CCDC33: variants seen among roughly 807,000 people sequenced by gnomAD.
CCDC33 encodes coiled-coil domain containing 33.
CCDC33 carries 94 observed loss-of-function variants against 91.9 expected under a neutral mutation model. The observed-to-expected ratio is 1.02, with a 90% CI of 0.87 to 1.21. The LOEUF (loss-of-function observed/expected upper bound fraction) is 1.21, where lower values mean the gene tolerates loss of function less well. Among genes scored for constraint, CCDC33 ranks in the 50% most tolerant of loss-of-function variants. The pLI, the probability that CCDC33 is intolerant of heterozygous loss-of-function variation, is 0.00. For synonymous variants in CCDC33, 396 were observed against 374.5 expected, an observed-to-expected ratio of 1.06 and a Z score of -0.66; for missense variants, 940 against 935.5, an observed-to-expected ratio of 1.00 and a Z score of -0.06.
rs963161438 is a variant in CCDC33 at position 74,332,814 on chromosome 15, C to A, written c.1907C>A (p.Ala636Asp). The A allele has an allele frequency of 1.1e-5, 18 of 1,614,142 alleles. No homozygotes were observed. Among genetic ancestry groups the A allele is most frequent in the Non-Finnish European group, 1.5e-5 (18 of 1,180,012 alleles). The change falls in exon 16 of 19, where the codon GCC (alanine) becomes GAC (aspartate). Residue 636 changes from alanine to aspartate, a missense_variant. By Grantham distance (126) the Ala-to-Asp change is moderately radical. Coordinates refer to ENST00000398814, the MANE Select transcript of CCDC33 (RefSeq NM_025055.5). ...TELDKNRHQQ[A>D]PIILQQQALP... ...CTGGATAAGAACCGCCACCAGCAGGCCCCCATCATTCTGCAGCAACAGGCC... is the reference window on the plus strand; with the variant it reads ...CTGGATAAGAACCGCCACCAGCAGGACCCCATCATTCTGCAGCAACAGGCC...
intron 1 of CCDC33, among the ~76,000 whole-genome samples, chr15:74,206,951 C>T (rs2074273646): frequency 6.6e-6 from 1 of 152,206 alleles, no homozygotes; most frequent in African/African-American, 2.4e-5. Context: ...CTAAGCCCTG[C>T]TCACTATGGG....
At position 74,236,669 on chromosome 15, in the gene CCDC33, AC is replaced by A. The variant is rs2075167651; in HGVS notation, c.-50del. The A allele has an allele frequency of 1.3e-6, 2 of 1,590,336 alleles. No individual in the cohort carries two copies. Among genetic ancestry groups the A allele is most frequent in the Non-Finnish European group, 1.7e-6 (2 of 1,160,352 alleles). The stretch of plus-strand genomic sequence containing the variant: ...TCCTGATCACCCACTGATACCAAGT[AC>A]TCATCCCCAAGATTGTTAAACAAGG... On this transcript the variant is annotated 5_prime_UTR_variant, in exon 1 of 19. Coordinates refer to ENST00000398814, the MANE Select transcript of CCDC33 (RefSeq NM_025055.5).
In CCDC33 at chr15:74,316,254, T is replaced by TC. The variant is rs998453649; in HGVS notation, c.1291-13933dup. Among the ~76,000 whole-genome samples, 1 of 152,138 alleles carries TC rather than the reference T, an allele frequency of 6.6e-6. No homozygotes were observed. The highest frequency in any genetic ancestry group is 2.4e-5 in the African/African-American group (1 of 41,444). On this transcript the variant is annotated intron_variant, in intron 11 of 18. Transcript: ENST00000398814. This position sits in a 1 kb window ranked among gnomAD's most constrained non-coding sequence, Gnocchi z 4.7. ...CTCAGCAGCCCACACTTGTTCTATG[T>TC]CCGGTGATGGGTCCCTGAGGGTCCG...
intron 3 of CCDC33, among the ~76,000 whole-genome samples, chr15:74,265,349 C>T (rs1170085973): frequency 6.6e-6 from 1 of 152,194 alleles, no homozygotes; most frequent in East Asian, 1.9e-4. Flanking sequence ...GTTTTGTATC[C>T]TTTCTTACCT....
chr15:74,205,952 G>T (rs1238370450), intron 1 of CCDC33, among the ~76,000 whole-genome samples: 1 of 152,262 alleles, frequency 6.6e-6, no homozygotes, highest in Non-Finnish European at 1.5e-5. Flanking sequence ...GTAAGGGCCA[G>T]GTTTCTGCAT....
intron 2 of CCDC33, among the ~76,000 whole-genome samples, chr15:74,224,539 G>A (rs1275768325): frequency 1.3e-5 from 2 of 152,180 alleles, no homozygotes; most frequent in Non-Finnish European, 1.5e-5. Flanking sequence ...GGATGGGAGG[G>A]ATTTGGGATT....
chr15:74,297,198 T>C lies in CCDC33; in HGVS notation c.1290+1250T>C, dbSNP rs540876958. On this transcript the variant is annotated intron_variant, in intron 11 of 18. Transcript: ENST00000398814. The stretch of plus-strand genomic sequence containing the variant: ...CAGGCACCACAGCACTTATGGGCCA[T>C]CTTTACAATTTTCTCCCGTCACCTC... Among the ~76,000 whole-genome samples, 3 of 152,348 alleles carry C rather than the reference T, an allele frequency of 2.0e-5. No homozygotes were observed. The East Asian group carries it at 5.8e-4, about 29-fold the overall frequency.
Position 74,269,853 on chromosome 15 carries a change from T to C in CCDC33, c.546+1395T>C, listed in dbSNP as rs369709952. Reference sequence around the variant, plus strand: ...GCATGGCAGGAGCAGGAACTTCTGCTACTTCCCAGGCTGTCATGAGCAGGT... The same window carrying C: ...GCATGGCAGGAGCAGGAACTTCTGCCACTTCCCAGGCTGTCATGAGCAGGT... On this transcript the variant is annotated intron_variant, in intron 5 of 18. Coordinates refer to ENST00000398814, the MANE Select transcript of CCDC33 (RefSeq NM_025055.5). Among the ~76,000 whole-genome samples the C allele has an allele frequency of 3.3e-4, 50 of 152,328 alleles. 2 individuals carry two copies. The highest frequency in any genetic ancestry group is 3.3e-3 in the East Asian group (17 of 5,180).
intron 1 of CCDC33, among the ~76,000 whole-genome samples, chr15:74,206,526 A>T (rs2074265578): frequency 6.6e-6 from 1 of 152,222 alleles, no homozygotes; most frequent in Admixed American, 6.5e-5. Context: ...AGCAGAGTCA[A>T]GGGCCTGCCC....
intron 7 of CCDC33, among the ~76,000 whole-genome samples, chr15:74,273,363 T>C (rs1170911930): frequency 6.6e-6 from 1 of 152,232 alleles, no homozygotes; most frequent in Non-Finnish European, 1.5e-5. Context: ...TAGATAGTGG[T>C]GATGGTTACA....
intron 2 of CCDC33, among the ~76,000 whole-genome samples, chr15:74,256,443 T>A (rs1287012926): frequency 6.6e-6 from 1 of 152,178 alleles, no homozygotes; most frequent in Non-Finnish European, 1.5e-5. Context: ...AAAGAGTGGC[T>A]GTTCAGAGTG....
At chr15:74,251,165 C>A (rs1449885493) in intron 2 of CCDC33, among the ~76,000 whole-genome samples, 1 of 152,236 alleles carries the variant, frequency 6.6e-6, no homozygotes, top group East Asian at 1.9e-4. Context: ...GTGTTCTGGC[C>A]TGGGAAACAC....
intron 1 of CCDC33, among the ~76,000 whole-genome samples, chr15:74,205,510 G>A (rs1476347574): frequency 2.0e-5 from 3 of 152,200 alleles, no homozygotes; most frequent in Non-Finnish European, 2.9e-5. Flanking sequence ...TTACCACAGG[G>A]AGGGCACCAA....
chr15:74,255,472 A>C (rs2075833021), intron 2 of CCDC33, among the ~76,000 whole-genome samples: 1 of 152,230 alleles, frequency 6.6e-6, no homozygotes, highest in Non-Finnish European at 1.5e-5. Flanking sequence ...TCCCATACAA[A>C]GGTGGGGACA....
chr15:74,250,867 A>G (rs999224106), intron 2 of CCDC33, among the ~76,000 whole-genome samples: 1 of 152,206 alleles, frequency 6.6e-6, no homozygotes, highest in Non-Finnish European at 1.5e-5. Context: ...TCAAAGGGCT[A>G]TAGAGATGGT....
chr15:74,209,227 C>T (rs913245195), intron 1 of CCDC33: 1 of 1,112,528 alleles, frequency 9.0e-7, no homozygotes, highest in Non-Finnish European at 1.3e-6. Context: ...CTCTCCACAC[C>T]CCCAAACCGT....
intron 2 of CCDC33, among the ~76,000 whole-genome samples, chr15:74,227,640 T>C (rs2142181718): frequency 6.6e-6 from 1 of 152,270 alleles, no homozygotes; most frequent in African/African-American, 2.4e-5. Context: ...AAAAAAGTGT[T>C]GCATAAGTAG....
At chr15:74,206,733 A>G (rs1239146692) in intron 1 of CCDC33, among the ~76,000 whole-genome samples, 2 of 152,206 alleles carry the variant, frequency 1.3e-5, no homozygotes, top group Non-Finnish European at 2.9e-5. Flanking sequence ...AAGATCTGGA[A>G]TGGTAACAAG....
chr15:74,274,828 C>T (rs113888369), intron 7 of CCDC33, among the ~76,000 whole-genome samples: 213 of 152,334 alleles, frequency 1.4e-3, no homozygotes, highest in African/African-American at 5.1e-3. Context: ...GTGCCTTTTG[C>T]ATGTGTGGGA....
Sources: allele counts gnomAD v4.1 joint callset (sites outside exome capture counted in the v4.1 genomes callset), GRCh38; gene constraint gnomAD v4.1.1; non-coding constraint Gnocchi (gnomAD v3.1); transcripts MANE v1.5; gene names NCBI Gene and HGNC (gene_info 2026-07-23, HGNC 2026-07-21).